DESI2: variants seen among roughly 807,000 people sequenced by gnomAD.
The protein encoded by DESI2 is deubiquitinase DESI2.
A neutral mutation model predicts 24.1 loss-of-function variants in DESI2; 10 were observed. The ratio of observed to expected loss-of-function variants is 0.41; its 90% confidence interval spans 0.26 to 0.70. The LOEUF (loss-of-function observed/expected upper bound fraction) is 0.70, where lower values mean the gene tolerates loss of function less well. DESI2 is among the 30% of genes least tolerant of loss of function. DESI2 has a pLI of 0.29. For missense variants in DESI2, 122 were observed against 234.9 expected, an observed-to-expected ratio of 0.52 and a Z score of 3.14; for synonymous variants, 71 against 87.7, an observed-to-expected ratio of 0.81 and a Z score of 1.06.
chr1:244,674,900 G>A (rs532161543), intron 1 of DESI2, among the ~76,000 whole-genome samples: 1 of 152,226 alleles, frequency 6.6e-6, no homozygotes, highest in Admixed American at 6.5e-5. Flanking sequence ...TAGGTCATAT[G>A]GTAACTTTAG....
chr1:244,699,077 C>A (rs1435568078), intron 4 of DESI2, among the ~76,000 whole-genome samples: 1 of 152,178 alleles, frequency 6.6e-6, no homozygotes, highest in Non-Finnish European at 1.5e-5. Flanking sequence ...ACTCTGCTAC[C>A]TTTCTACTGG....
chr1:244,662,386 C>T (rs1244811169), intron 1 of DESI2, among the ~76,000 whole-genome samples: 9 of 152,048 alleles, frequency 5.9e-5, no homozygotes, highest in Admixed American at 3.9e-4. Context: ...GTCCTGCTTT[C>T]GATTTTTTTG....
chr1:244,684,388 G>C (rs948076644), intron 1 of DESI2, among the ~76,000 whole-genome samples: 1 of 152,124 alleles, frequency 6.6e-6, no homozygotes, highest in Non-Finnish European at 1.5e-5. Flanking sequence ...CGGCCAAATT[G>C]TTAACAGTTG....
intron 1 of DESI2, among the ~76,000 whole-genome samples, chr1:244,669,633 G>A (rs113543754): frequency 1.3e-5 from 2 of 152,078 alleles, no homozygotes; most frequent in Admixed American, 6.5e-5. Context: ...AGCCAAGATC[G>A]CACCATTACA....
At chr1:244,663,514 A>G (rs954541313) in intron 1 of DESI2, among the ~76,000 whole-genome samples, 15 of 92,320 alleles carry the variant, frequency 1.6e-4, no homozygotes, top group Non-Finnish European at 1.3e-4. Context: ...CTACAAATAC[A>G]CAAAGGCAAA....
chr1:244,669,469 A>T (rs1253715041), intron 1 of DESI2, among the ~76,000 whole-genome samples: 1 of 152,086 alleles, frequency 6.6e-6, no homozygotes, highest in Non-Finnish European at 1.5e-5. Flanking sequence ...ACCTGAGGTC[A>T]GGAGTTCGAG....
chr1:244,665,724 A>G (rs912448212), intron 1 of DESI2, among the ~76,000 whole-genome samples: 1 of 152,220 alleles, frequency 6.6e-6, no homozygotes, highest in East Asian at 1.9e-4. Context: ...AAGTTCCCCA[A>G]GGAAGAACGA....
chr1:244,707,661 C>T lies in DESI2; in HGVS notation c.*1872C>T, dbSNP rs1677762190. ...AATATTTTTAATAATGTGAGGAGTA[C>T]AGTGTTTTCTAATTCATTCAAGTAT... On this transcript the variant is annotated 3_prime_UTR_variant, in exon 5 of 5. Transcript: ENST00000302550. 1 of 152,124 alleles carries T rather than the reference C, an allele frequency of 6.6e-6. No individual in the cohort carries two copies. Among genetic ancestry groups the T allele is most frequent in the South Asian group, 2.1e-4 (1 of 4,822 alleles). 9.4% of individuals were successfully genotyped at this position (152,124 alleles called of 1,614,324 possible).
chr1:244,684,973 G>T (rs566623284), intron 1 of DESI2, among the ~76,000 whole-genome samples: 81 of 152,226 alleles, frequency 5.3e-4, no homozygotes, highest in African/African-American at 1.8e-3. Flanking sequence ...AAAAAATGTA[G>T]CCTTCGTTTC....
intron 4 of DESI2, among the ~76,000 whole-genome samples, chr1:244,701,441 A>G (rs1012128306): frequency 6.6e-6 from 1 of 152,176 alleles, no homozygotes; most frequent in Admixed American, 6.5e-5. Flanking sequence ...CTTGGACTGA[A>G]AGAGACAGAG....
At chr1:244,670,673 C>T (rs1676215295) in intron 1 of DESI2, among the ~76,000 whole-genome samples, 1 of 152,212 alleles carries the variant, frequency 6.6e-6, no homozygotes, top group African/African-American at 2.4e-5. Context: ...TTCCCAAAGC[C>T]ATACAACTAG....
At chr1:244,681,067 A>G (rs1484595764) in intron 1 of DESI2, among the ~76,000 whole-genome samples, 1 of 152,016 alleles carries the variant, frequency 6.6e-6, no homozygotes, top group African/African-American at 2.4e-5. Flanking sequence ...TTGACTAATG[A>G]AAACTGCTTT....
chr1:244,665,629 A>C lies in DESI2; in HGVS notation c.42+12274A>C, dbSNP rs144132965. On this transcript the variant is annotated intron_variant, in intron 1 of 4. Transcript: ENST00000302550. ...GCTAAGGTGCTTTTTAGATGTAACA[A>C]TTTTATAGATTTTGAGTAAAGAAAT... Among the ~76,000 whole-genome samples, 1,337 of 152,330 alleles carry C rather than the reference A, an allele frequency of 8.8e-3. 20 individuals carry two copies. Among genetic ancestry groups the C allele is most frequent in the Middle Eastern group, 0.034 (10 of 294 alleles).
At chr1:244,657,958 A>G (rs926594528) in intron 1 of DESI2, among the ~76,000 whole-genome samples, 1 of 152,156 alleles carries the variant, frequency 6.6e-6, no homozygotes, top group East Asian at 1.9e-4. Flanking sequence ...TCTAACCTTT[A>G]TGGTGAGTTG....
At chr1:244,659,770 A>G (rs1675775032) in intron 1 of DESI2, among the ~76,000 whole-genome samples, 1 of 152,230 alleles carries the variant, frequency 6.6e-6, no homozygotes. Context: ...ACATGTTCAC[A>G]GGTTCTGGGA....
intron 4 of DESI2, among the ~76,000 whole-genome samples, chr1:244,703,306 G>A (rs954470205): frequency 2.6e-4 from 39 of 151,980 alleles, no homozygotes; most frequent in Admixed American, 6.6e-5. Context: ...CACCTGCCCG[G>A]CCTGTTTGGC....
At position 244,702,205 on chromosome 1, in the gene DESI2, G is replaced by GACTC. The variant is rs563580713; in HGVS notation, c.352-3349_352-3346dup. The stretch of plus-strand genomic sequence containing the variant: ...GCTAAGTGACCTACTAATGGGTCAT[G>GACTC]ACTCAAAGTTTTAAAAACATTGGCT... On this transcript the variant is annotated intron_variant, in intron 4 of 4. Coordinates refer to ENST00000302550, the MANE Select transcript of DESI2 (RefSeq NM_016076.5). Among the ~76,000 whole-genome samples, 21 of 152,284 alleles carry GACTC rather than the reference G, an allele frequency of 1.4e-4. No individual in the cohort carries two copies. The South Asian group carries it at 3.9e-3, about 29-fold the overall frequency.
chr1:244,679,116 G>A (rs946680973), intron 1 of DESI2, among the ~76,000 whole-genome samples: 1 of 151,972 alleles, frequency 6.6e-6, no homozygotes, highest in African/African-American at 2.4e-5. Context: ...ACAGCTCACT[G>A]AAGCCTCGAC....
Position 244,697,554 on chromosome 1 carries a change from G to T in DESI2, c.351+5534G>T, listed in dbSNP as rs75961439. ...ATGGAAAACCTTTGATGTCTGGATG[G>T]CTGTGGAGTTATCCATGATATGAAA... On this transcript the variant is annotated intron_variant, in intron 4 of 4. Transcript: ENST00000302550. 6.2e-3 allele frequency among the ~76,000 whole-genome samples: 947 copies of T among 152,026 alleles called. 12 individuals carry two copies. Among genetic ancestry groups the T allele is most frequent in the African/African-American group, 0.022 (912 of 41,460 alleles).
Sources: gnomAD v4.1 joint callset for allele counts (sites outside exome capture counted in the v4.1 genomes callset) on GRCh38, gnomAD v4.1.1 for gene constraint, MANE v1.5 for transcripts, NCBI Gene and HGNC (gene_info 2026-07-23, HGNC 2026-07-21) for gene names.